Variants in CDH8 observed in about 807,000 individuals in gnomAD.
CDH8 encodes cadherin 8.
Under a neutral mutation model 68.1 loss-of-function variants are expected in CDH8, and 17 were observed. That is an observed-to-expected ratio of 0.25 (90% confidence interval 0.17 to 0.37). CDH8 has a LOEUF of 0.37. CDH8 is among the 10% of genes least tolerant of loss of function. The pLI, the probability that CDH8 is intolerant of heterozygous loss-of-function variation, is 1.00. For synonymous variants in CDH8, 372 were observed against 365.1 expected, an observed-to-expected ratio of 1.02 and a Z score of -0.21; for missense variants, 763 against 999.3, an observed-to-expected ratio of 0.76 and a Z score of 3.19.
At chr16:61,746,022 T>TATTACAGAA (rs1960012775) in intron 8 of CDH8, among the ~76,000 whole-genome samples, 1 of 152,112 alleles carries the variant, frequency 6.6e-6, no homozygotes, top group Admixed American at 6.6e-5. Flanking sequence ...ATTATGGGGA[T>TATTACAGAA]TAATTTAATT....
chr16:61,863,498 T>C (rs1721133569), intron 3 of CDH8, among the ~76,000 whole-genome samples: 1 of 152,158 alleles, frequency 6.6e-6, no homozygotes, highest in South Asian at 2.1e-4. Context: ...TTTTTATGAG[T>C]AAGTCAGCAC....
intron 1 of CDH8, among the ~76,000 whole-genome samples, chr16:62,023,976 T>G (rs936501775): frequency 9.9e-5 from 15 of 152,188 alleles, no homozygotes; most frequent in Admixed American, 3.3e-4. Context: ...GCCTCCAGAG[T>G]AGCTGGGCGT....
At chr16:61,870,741 T>C (rs1048559548) in intron 3 of CDH8, among the ~76,000 whole-genome samples, 2 of 152,134 alleles carry the variant, frequency 1.3e-5, no homozygotes, top group African/African-American at 4.8e-5. Flanking sequence ...GTGCCCAACA[T>C]GGTTGGGGTT....
chr16:61,843,110 T>C (rs549274696), intron 4 of CDH8, among the ~76,000 whole-genome samples: 2 of 152,280 alleles, frequency 1.3e-5, no homozygotes, highest in South Asian at 4.2e-4. Context: ...TCTGGTCCTA[T>C]ACTTTATACT....
At chr16:61,740,733 A>G (rs533736516) in intron 8 of CDH8, among the ~76,000 whole-genome samples, 2 of 152,234 alleles carry the variant, frequency 1.3e-5, no homozygotes, top group African/African-American at 4.8e-5. Flanking sequence ...AGGCTTTTCC[A>G]TTGTTTGGAA....
At chr16:61,748,634 C>T (rs1003932615) in intron 8 of CDH8, among the ~76,000 whole-genome samples, 6 of 151,928 alleles carry the variant, frequency 3.9e-5, no homozygotes, top group African/African-American at 1.4e-4. Flanking sequence ...TGTCGTTTCT[C>T]CACCCAAATT....
intron 10 of CDH8, among the ~76,000 whole-genome samples, chr16:61,700,491 G>C (rs772378020): frequency 1.3e-5 from 2 of 151,990 alleles, no homozygotes; most frequent in Non-Finnish European, 2.9e-5. Context: ...ATGTTGGCCA[G>C]GATGGTCTCG....
At chr16:61,917,221 T>C (rs902889064) in intron 2 of CDH8, among the ~76,000 whole-genome samples, 1 of 70,168 alleles carries the variant, frequency 1.4e-5, no homozygotes, top group African/African-American at 6.6e-5. Flanking sequence ...ATAGGTAAGG[T>C]TTTTTTAAAA....
At chr16:61,706,336 G>C (rs894280617) in intron 10 of CDH8, among the ~76,000 whole-genome samples, 3 of 152,038 alleles carry the variant, frequency 2.0e-5, no homozygotes, top group African/African-American at 7.2e-5. Flanking sequence ...TGTAACTGGC[G>C]GCCGGACGCG....
intron 4 of CDH8, among the ~76,000 whole-genome samples, chr16:61,852,011 T>C (rs995831915): frequency 1.3e-5 from 2 of 152,052 alleles, no homozygotes; most frequent in Admixed American, 6.6e-5. Flanking sequence ...AACTCAGTTG[T>C]CTCATCAGTA....
chr16:61,733,560 A>G (rs1596912229), intron 8 of CDH8, among the ~76,000 whole-genome samples: 1 of 152,062 alleles, frequency 6.6e-6, no homozygotes, highest in East Asian at 1.9e-4. Flanking sequence ...CACTGACAGA[A>G]TAGAGAAAAC....
intron 1 of CDH8, 45 bp from the exon 2 acceptor site, chr16:62,021,647 G>T: frequency 9.0e-7 from 1 of 1,109,076 alleles, no homozygotes; most frequent in Non-Finnish European, 1.2e-6. Context: ...ACTCAAACTG[G>T]TTTTAAAATA....
intron 2 of CDH8, among the ~76,000 whole-genome samples, chr16:61,987,147 G>T (rs1410835034): frequency 4.6e-5 from 7 of 152,142 alleles, no homozygotes; most frequent in Admixed American, 3.3e-4. Flanking sequence ...TGTATAAAGT[G>T]CTAAAAATGT....
intron 10 of CDH8, among the ~76,000 whole-genome samples, chr16:61,700,872 T>G (rs1964416466): frequency 6.6e-6 from 1 of 152,182 alleles, no homozygotes; most frequent in African/African-American, 2.4e-5. Context: ...TATTTTCAAA[T>G]AGCTAGAAGA....
intron 2 of CDH8, among the ~76,000 whole-genome samples, chr16:62,013,483 A>G (rs1901866131): frequency 6.6e-6 from 1 of 152,154 alleles, no homozygotes; most frequent in African/African-American, 2.4e-5. Flanking sequence ...TTGAAGATAG[A>G]TACAAAAATG....
chr16:61,697,659 T>C (rs1248047641), intron 10 of CDH8, among the ~76,000 whole-genome samples: 2 of 152,136 alleles, frequency 1.3e-5, no homozygotes, highest in East Asian at 1.9e-4. Context: ...TGCCACCATA[T>C]CTGGCTAATT....
At chr16:61,881,567 C>T (rs1963578376) in intron 3 of CDH8, among the ~76,000 whole-genome samples, 1 of 152,116 alleles carries the variant, frequency 6.6e-6, no homozygotes, top group African/African-American at 2.4e-5. Flanking sequence ...TATTAATGCT[C>T]AGGGAATTCA....
At chr16:61,749,658 G>A (rs569549148) in intron 8 of CDH8, among the ~76,000 whole-genome samples, 1 of 152,016 alleles carries the variant, frequency 6.6e-6, no homozygotes. Flanking sequence ...ATATATAAAA[G>A]CACCAAGCAA....
chr16:61,654,261 G>A (rs1963392148), intron 11 of CDH8, among the ~76,000 whole-genome samples, 160 bp from the exon 12 acceptor site: 1 of 152,082 alleles, frequency 6.6e-6, no homozygotes. Context: ...CTTTCTGAAG[G>A]ATGAACATTA....
Sources: allele counts gnomAD v4.1 joint callset (sites outside exome capture counted in the v4.1 genomes callset), GRCh38; gene constraint gnomAD v4.1.1; transcripts MANE v1.5; gene names NCBI Gene and HGNC (gene_info 2026-07-23, HGNC 2026-07-21).